The following NELL2 variants were observed in gnomAD, a reference collection of about 807,000 sequenced individuals.
The protein encoded by NELL2 is neural EGFL like 2.
A neutral mutation model predicts 109.6 loss-of-function variants in NELL2; 41 were observed. The ratio of observed to expected loss-of-function variants is 0.37; its 90% CI spans 0.29 to 0.49. The LOEUF is 0.49. NELL2 is among the 20% of genes least tolerant of loss of function. NELL2 has a pLI of 0.98. For synonymous variants in NELL2, 355 were observed against 344.7 expected (o/e 1.03, Z -0.33); for missense variants, 900 against 1,008.3 (o/e 0.89, Z 1.45).
chr12:44,578,226 C>G (rs954159757), intron 15 of NELL2, among the ~76,000 whole-genome samples: 1 of 151,600 alleles, frequency 6.6e-6, no homozygotes, highest in Non-Finnish European at 1.5e-5. Flanking sequence ...GGAGCTACAC[C>G]TTTCCATTTT....
intron 15 of NELL2, among the ~76,000 whole-genome samples, chr12:44,561,454 C>T (rs1419050590): frequency 6.6e-6 from 1 of 152,166 alleles, no homozygotes; most frequent in Non-Finnish European, 1.5e-5. Context: ...CTCAACTCTC[C>T]TTAAGCTGAT....
At chr12:44,579,293 T>A (rs1944236886) in intron 15 of NELL2, among the ~76,000 whole-genome samples, 1 of 152,196 alleles carries the variant, frequency 6.6e-6, no homozygotes, top group Admixed American at 6.5e-5. Flanking sequence ...CTTGCAGGTA[T>A]ACCAGGGGGC....
At chr12:44,856,727 TG>T (rs1194986728) in intron 2 of NELL2, among the ~76,000 whole-genome samples, 2 of 151,834 alleles carry the variant, frequency 1.3e-5, no homozygotes, top group African/African-American at 2.4e-5. Context: ...AGTAAAAGGG[TG>T]GGAGTGGGAG....
intron 17 of NELL2, 129 bp downstream of exon 17, chr12:44,523,162 G>C: frequency 1.1e-6 from 1 of 915,994 alleles, no homozygotes; most frequent in Non-Finnish European, 1.7e-6. Flanking sequence ...GAAGTGTTCT[G>C]TTATATTAAT....
At chr12:44,593,546 G>C (rs901896269) in intron 15 of NELL2, among the ~76,000 whole-genome samples, 3 of 152,122 alleles carry the variant, frequency 2.0e-5, no homozygotes, top group Non-Finnish European at 4.4e-5. Context: ...AAAAAAGTGG[G>C]TGAAATAAAC....
chr12:44,523,013 T>G, intron 17 of NELL2: 1 of 428,164 alleles, frequency 2.3e-6, no homozygotes, highest in Non-Finnish European at 4.3e-6. Context: ...AGACACAATA[T>G]AGTATATACT....
chr12:44,582,473 AC>A (rs1418787586), intron 15 of NELL2, among the ~76,000 whole-genome samples: 1 of 152,128 alleles, frequency 6.6e-6, no homozygotes, highest in Non-Finnish European at 1.5e-5. Context: ...TTATTGATGA[AC>A]CTTGAAATCA....
chr12:44,597,592 C>A (rs1414674098), intron 15 of NELL2, among the ~76,000 whole-genome samples: 1 of 152,120 alleles, frequency 6.6e-6, no homozygotes, highest in African/African-American at 2.4e-5. Context: ...AAACTTAGTT[C>A]CCTCTATGTT....
At chr12:44,641,942 C>T (rs1946873585) in intron 13 of NELL2, among the ~76,000 whole-genome samples, 1 of 151,996 alleles carries the variant, frequency 6.6e-6, no homozygotes. Context: ...GGCAATCCAC[C>T]CACCTCGGCC....
intron 12 of NELL2, among the ~76,000 whole-genome samples, chr12:44,693,649 C>G (rs928469863): frequency 3.9e-5 from 6 of 152,066 alleles, no homozygotes; most frequent in Non-Finnish European, 8.8e-5. Context: ...TAATGGTGTT[C>G]AAGTTTAGAA....
At chr12:44,851,459 A>G (rs756420071) in intron 2 of NELL2, among the ~76,000 whole-genome samples, 20 of 152,202 alleles carry the variant, frequency 1.3e-4, no homozygotes, top group Non-Finnish European at 2.5e-4. Context: ...TTGCATGCCA[A>G]TAACAAAATA....
intron 16 of NELL2, among the ~76,000 whole-genome samples, chr12:44,523,964 C>T (rs993705944): frequency 1.2e-4 from 19 of 152,078 alleles, no homozygotes; most frequent in African/African-American, 4.1e-4. Flanking sequence ...GCCTTATTCT[C>T]GCGGCTGCAC....
At chr12:44,793,125 CTGTATG>C (rs754244049) in intron 3 of NELL2, among the ~76,000 whole-genome samples, 1 of 151,988 alleles carries the variant, frequency 6.6e-6, no homozygotes, top group Non-Finnish European at 1.5e-5. Flanking sequence ...TAACAAAACT[CTGTATG>C]TGTATGTGTG....
At chr12:44,694,117 G>A (rs1195965245) in intron 12 of NELL2, among the ~76,000 whole-genome samples, 1 of 152,104 alleles carries the variant, frequency 6.6e-6, no homozygotes, top group Non-Finnish European at 1.5e-5. Context: ...CAGACATTTG[G>A]TAAAGCATTA....
chr12:44,918,517 ATGTGTGTGTGTGTGTG>A (rs10589306), upstream of NELL2, among the ~76,000 whole-genome samples: 209 of 123,964 alleles, frequency 1.7e-3, no homozygotes, highest in African/African-American at 3.6e-3. Context: ...GCATGCATGT[ATGTGTGTGTGTGTGTG>A]TGTGTGTGTG....
intron 12 of NELL2, among the ~76,000 whole-genome samples, chr12:44,694,962 C>G (rs569453188): frequency 6.7e-6 from 1 of 150,228 alleles, no homozygotes; most frequent in Non-Finnish European, 1.5e-5. Flanking sequence ...CATCACTAAA[C>G]AAGTTAGTTG....
intron 3 of NELL2, among the ~76,000 whole-genome samples, chr12:44,781,687 T>C (rs1405650053): frequency 2.6e-5 from 4 of 152,010 alleles, no homozygotes; most frequent in Admixed American, 2.6e-4. Context: ...AAGGAAAAAT[T>C]AGAGTGACAG....
chr12:44,818,128 T>C (rs1943414617), intron 2 of NELL2, among the ~76,000 whole-genome samples: 1 of 152,210 alleles, frequency 6.6e-6, no homozygotes, highest in South Asian at 2.1e-4. Context: ...CAGGCTCTAT[T>C]ACAGATAAGA....
chr12:44,508,822 A>G lies in NELL2; in HGVS notation c.*112T>C. On this transcript the variant is annotated 3_prime_UTR_variant, in exon 20 of 20. Coordinates refer to ENST00000429094, the MANE Select transcript of NELL2 (RefSeq NM_001145108.2). ...TAATTGAAAGTTCACTCAGCTATTA[A>G]CAAAGCTGCATTTAGCTGCCCACAA... 1.2e-6 allele frequency: 1 copy of G among 855,768 alleles called. No homozygotes were observed. 53.0% of individuals were successfully genotyped at this position (855,768 alleles called of 1,614,324 possible).
Sources: allele counts gnomAD v4.1 joint callset (sites outside exome capture counted in the v4.1 genomes callset), GRCh38; gene constraint gnomAD v4.1.1; transcripts MANE v1.5; gene names NCBI Gene and HGNC (gene_info 2026-07-23, HGNC 2026-07-21).